CACNA2D3: variants seen among roughly 807,000 people sequenced by gnomAD.
CACNA2D3 encodes the protein calcium voltage-gated channel auxiliary subunit alpha2delta 3.
A neutral mutation model predicts 160.6 loss-of-function variants in CACNA2D3; 60 were observed. The observed-to-expected ratio is 0.37, with a 90% CI of 0.30 to 0.46. The LOEUF (loss-of-function observed/expected upper bound fraction) is 0.46. Among genes scored for constraint, CACNA2D3 ranks in the 20% least tolerant of loss-of-function variants. CACNA2D3 has a pLI of 1.00. For synonymous variants in CACNA2D3, 558 were observed against 492.9 expected (o/e 1.13, Z -1.75); for missense variants, 1,205 against 1,365.0 (o/e 0.88, Z 1.85).
intron 2 of CACNA2D3, among the ~76,000 whole-genome samples, chr3:54,257,326 C>T (rs1702315716): frequency 6.6e-6 from 1 of 152,196 alleles, no homozygotes; most frequent in African/African-American, 2.4e-5. Context: ...AATCAACTTA[C>T]TATTGAGGCC....
intron 13 of CACNA2D3, among the ~76,000 whole-genome samples, chr3:54,782,693 G>A (rs898397963): frequency 6.6e-6 from 1 of 151,506 alleles, no homozygotes; most frequent in African/African-American, 2.4e-5. Context: ...TGCCATGCTT[G>A]AGAAAAAGAA....
intron 11 of CACNA2D3, among the ~76,000 whole-genome samples, chr3:54,644,312 G>T (rs994843846): frequency 2.0e-5 from 3 of 151,978 alleles, no homozygotes; most frequent in East Asian, 3.9e-4. Flanking sequence ...AGCAGAAGTG[G>T]ATTTTCTTTC....
At chr3:54,851,600 G>A (rs2970535) in intron 17 of CACNA2D3, among the ~76,000 whole-genome samples, 75,317 of 151,978 alleles carry the variant, frequency 0.5, 19,390 homozygotes, top group East Asian at 0.78. Flanking sequence ...ATTTGGACCA[G>A]TACCGAGGTA....
intron 5 of CACNA2D3, among the ~76,000 whole-genome samples, chr3:54,526,650 G>A (rs1317259837): frequency 1.3e-5 from 2 of 151,968 alleles, no homozygotes; most frequent in African/African-American, 2.4e-5. Context: ...TTTTTCCCTG[G>A]CTACACCAAC....
chr3:55,072,453 G>A (rs1439063512), intron 35 of CACNA2D3, among the ~76,000 whole-genome samples: 2 of 152,146 alleles, frequency 1.3e-5, no homozygotes, highest in Non-Finnish European at 2.9e-5. Flanking sequence ...CATGATTTTA[G>A]TTCACCATGG....
At chr3:54,904,693 C>T (rs927883800) in intron 27 of CACNA2D3, among the ~76,000 whole-genome samples, 4 of 152,100 alleles carry the variant, frequency 2.6e-5, no homozygotes, top group South Asian at 4.1e-4. Flanking sequence ...GGCTAACATA[C>T]GGTCCATATG....
At position 54,822,289 on chromosome 3, in the gene CACNA2D3, G is replaced by A. The variant is rs564732035; in HGVS notation, c.1398+5419G>A. On this transcript the variant is annotated intron_variant, in intron 14 of 37. Coordinates refer to ENST00000474759, the MANE Select transcript of CACNA2D3 (RefSeq NM_018398.3). Reference sequence around the variant, plus strand: ...GATCTATTTTATGAATAAGGCTATGGTGCTAGAAACCAGAGAGCAAGTCTA... The same window carrying A: ...GATCTATTTTATGAATAAGGCTATGATGCTAGAAACCAGAGAGCAAGTCTA... Among the ~76,000 whole-genome samples, 286 of 152,314 alleles carry A rather than the reference G, an allele frequency of 1.9e-3. 1 individual carries two copies. The highest frequency in any genetic ancestry group is 3.4e-3 in the Non-Finnish European group (228 of 68,032).
At chr3:54,371,257 G>C (rs1477319230) in intron 3 of CACNA2D3, among the ~76,000 whole-genome samples, 1 of 152,034 alleles carries the variant, frequency 6.6e-6, no homozygotes. Context: ...GGGTCATATG[G>C]TAACTCTTGT....
chr3:54,408,720 A>G (rs1699617358), intron 4 of CACNA2D3, among the ~76,000 whole-genome samples: 1 of 152,122 alleles, frequency 6.6e-6, no homozygotes, highest in South Asian at 2.1e-4. Flanking sequence ...CTATAACCAA[A>G]TTTGTTGTAA....
At position 54,763,013 on chromosome 3, in the gene CACNA2D3, G is replaced by A. The variant is rs866870851; in HGVS notation, c.1247-1205G>A. On this transcript the variant is annotated intron_variant, in intron 12 of 37. Transcript: ENST00000474759. ...TGAAGCAGGAGAATGGTGTGAACCCGGGAGGCGGAGCTTGCAGTGAGCAGA... is the reference window on the plus strand; with the variant it reads ...TGAAGCAGGAGAATGGTGTGAACCCAGGAGGCGGAGCTTGCAGTGAGCAGA... 1.3e-4 allele frequency among the ~76,000 whole-genome samples: 19 copies of A among 151,654 alleles called. No individual in the cohort carries two copies. The South Asian group carries it at 1.5e-3, about 12-fold the overall frequency.
intron 9 of CACNA2D3, among the ~76,000 whole-genome samples, chr3:54,602,386 T>C (rs1165993335): frequency 6.7e-6 from 1 of 149,982 alleles, no homozygotes; most frequent in Non-Finnish European, 1.5e-5. Context: ...TAGTCCCAGC[T>C]ACTCGGGAGG....
chr3:54,695,480 T>C (rs764661703), intron 11 of CACNA2D3, among the ~76,000 whole-genome samples: 1 of 152,050 alleles, frequency 6.6e-6, no homozygotes, highest in Non-Finnish European at 1.5e-5. Flanking sequence ...GTTCCAAGGT[T>C]ACGAGTATTT....
intron 16 of CACNA2D3, among the ~76,000 whole-genome samples, chr3:54,842,327 T>C (rs1030079448): frequency 1.3e-5 from 2 of 152,242 alleles, no homozygotes; most frequent in African/African-American, 2.4e-5. Flanking sequence ...CTGGAGCAAA[T>C]TGGCTTCTCC....
intron 3 of CACNA2D3, among the ~76,000 whole-genome samples, chr3:54,338,372 C>T (rs1003692727): frequency 2.6e-5 from 4 of 152,052 alleles, no homozygotes; most frequent in African/African-American, 9.7e-5. Flanking sequence ...GAGCATGTTG[C>T]TGTTGCCACA....
intron 3 of CACNA2D3, among the ~76,000 whole-genome samples, chr3:54,326,111 A>C (rs1225333789): frequency 6.6e-6 from 1 of 152,232 alleles, no homozygotes; most frequent in Non-Finnish European, 1.5e-5. Flanking sequence ...TTCACGCATC[A>C]GTCCACCGAT....
chr3:54,401,910 A>G (rs1699473408), intron 4 of CACNA2D3, among the ~76,000 whole-genome samples: 1 of 152,206 alleles, frequency 6.6e-6, no homozygotes, highest in South Asian at 2.1e-4. Flanking sequence ...CAAAAGTCAA[A>G]ACAGTCAAAA....
intron 2 of CACNA2D3, among the ~76,000 whole-genome samples, chr3:54,232,925 T>C (rs1381292646): frequency 6.6e-6 from 1 of 152,200 alleles, no homozygotes; most frequent in African/African-American, 2.4e-5. Context: ...TGTACTGTCA[T>C]GATTAGTTTA....
At chr3:54,811,230 T>G (rs936540590) in intron 13 of CACNA2D3, among the ~76,000 whole-genome samples, 1 of 152,158 alleles carries the variant, frequency 6.6e-6, no homozygotes, top group Admixed American at 6.5e-5. Context: ...TCTTAGTGTT[T>G]TTCCTCAACT....
chr3:54,260,876 A>G (rs1702389734), intron 2 of CACNA2D3, among the ~76,000 whole-genome samples: 2 of 152,188 alleles, frequency 1.3e-5, no homozygotes, highest in African/African-American at 4.8e-5. Flanking sequence ...TGCCATAACC[A>G]GGCAATCTAA....
Sources: gnomAD v4.1 joint callset for allele counts (sites outside exome capture counted in the v4.1 genomes callset) on GRCh38, gnomAD v4.1.1 for gene constraint, MANE v1.5 for transcripts, NCBI Gene and HGNC (gene_info 2026-07-23, HGNC 2026-07-21) for gene names.